DDX31: variants seen among roughly 807,000 people sequenced by gnomAD.
DDX31 encodes the protein ATP-dependent DNA helicase DDX31.
Under a neutral mutation model 91.3 loss-of-function variants are expected in DDX31, and 70 were observed. The ratio of observed to expected loss-of-function variants is 0.77; its 90% CI spans 0.63 to 0.94. DDX31 has a LOEUF of 0.94. Ranked by LOEUF, DDX31 falls within the 40% of genes least tolerant of loss-of-function variation. The pLI, the probability that DDX31 is intolerant of heterozygous loss-of-function variation, is 0.00. For missense variants in DDX31, 902 were observed against 925.0 expected, an observed-to-expected ratio of 0.98 and a Z score of 0.32; for synonymous variants, 362 against 350.6, an observed-to-expected ratio of 1.03 and a Z score of -0.36.
intron 12 of DDX31, 88 bp from the exon 13 acceptor site, chr9:132,646,159 C>T (rs1362156416): frequency 3.7e-6 from 5 of 1,345,556 alleles, no homozygotes; most frequent in Non-Finnish European, 5.0e-6. Context: ...TACAGTCATG[C>T]TGACCCCCAT....
intron 14 of DDX31, among the ~76,000 whole-genome samples, chr9:132,641,269 C>T (rs898210553): frequency 1.3e-5 from 2 of 152,180 alleles, no homozygotes; most frequent in African/African-American, 4.8e-5. Context: ...AGCACTTGTT[C>T]ACTGGATTGA....
intron 1 of DDX31, chr9:132,663,332 T>C: frequency 1.6e-6 from 2 of 1,288,428 alleles, no homozygotes; most frequent in Non-Finnish European, 2.0e-6. Context: ...CAAATGAGAA[T>C]GCTGCTCCAT....
intron 14 of DDX31, among the ~76,000 whole-genome samples, chr9:132,636,267 T>G (rs1262523861): frequency 6.6e-6 from 1 of 152,210 alleles, no homozygotes; most frequent in Non-Finnish European, 1.5e-5. Flanking sequence ...AGAACACAAT[T>G]TAGGATGTTC....
chr9:132,649,417 ACTAT>A (rs1834043169), intron 9 of DDX31, among the ~76,000 whole-genome samples: 1 of 152,200 alleles, frequency 6.6e-6, no homozygotes. Flanking sequence ...AGTGCCTGCA[ACTAT>A]CTAAGACTAT....
chr9:132,621,535 G>A (rs1027569277), intron 17 of DDX31, among the ~76,000 whole-genome samples: 2 of 152,174 alleles, frequency 1.3e-5, no homozygotes, highest in Non-Finnish European at 2.9e-5. Context: ...ATGTGCCAAA[G>A]GGACATTTAC....
intron 6 of DDX31, among the ~76,000 whole-genome samples, chr9:132,655,946 G>C (rs1364560874): frequency 6.6e-6 from 1 of 152,222 alleles, no homozygotes; most frequent in Non-Finnish European, 1.5e-5. Flanking sequence ...ACGCAGGCTA[G>C]GAATGGTAAA....
At chr9:132,667,092 G>C (rs1320062592) in intron 1 of DDX31, among the ~76,000 whole-genome samples, 1 of 151,110 alleles carries the variant, frequency 6.6e-6, no homozygotes, top group Non-Finnish European at 1.5e-5. Flanking sequence ...CAAGTGATCT[G>C]CCTGCCTCGG....
In DDX31 at chr9:132,662,430, T is replaced by C; in HGVS notation, c.332+9A>G. 6.2e-7 allele frequency: 1 copy of C among 1,614,128 alleles called. No homozygotes were observed. Among genetic ancestry groups the C allele is most frequent in the South Asian group, 1.1e-5 (1 of 91,078 alleles). On this transcript the variant is annotated intron_variant, in intron 2 of 19. Coordinates refer to ENST00000372159, the MANE Select transcript of DDX31 (RefSeq NM_022779.9). ...TTTCTTCCTGAAGGGCATCCGCCCC[T>C]GGACATACCTGTGGAGTTCTGGAAT...
intron 4 of DDX31, 138 bp downstream of exon 4, chr9:132,661,070 C>T (rs1479452094): frequency 2.5e-5 from 19 of 751,524 alleles, no homozygotes; most frequent in South Asian, 6.2e-5. Flanking sequence ...CTAAGTGAGA[C>T]GACAACCCTT....
chr9:132,649,511 G>A (rs1193259665), intron 9 of DDX31, among the ~76,000 whole-genome samples: 1 of 152,194 alleles, frequency 6.6e-6, no homozygotes, highest in African/African-American at 2.4e-5. Flanking sequence ...TGGAGCACCA[G>A]GCCAGCCTTG....
In DDX31 at chr9:132,604,938, C is replaced by A. The variant is rs934991001; in HGVS notation, c.1994+7149G>T. Among the ~76,000 whole-genome samples the A allele has an allele frequency of 2.0e-5, 3 of 152,154 alleles. No homozygotes were observed. The East Asian group carries it at 5.8e-4, about 29-fold the overall frequency. ...AGGCCTCCTTCACCAGGGAACAGAA[C>A]CAGCGGCTGGACCACGAGGGGCATG... On this transcript the variant is annotated intron_variant, in intron 19 of 19. Transcript: ENST00000372159.
chr9:132,619,715 G>A (rs1161406901), intron 17 of DDX31, among the ~76,000 whole-genome samples: 2 of 152,062 alleles, frequency 1.3e-5, no homozygotes, highest in African/African-American at 4.8e-5. Context: ...TAAAATGTCA[G>A]GAGAAGAGTC....
At chr9:132,653,494 C>CAAAAAAAAAAAAAAA (rs71376648) in intron 6 of DDX31, among the ~76,000 whole-genome samples, 3 of 20,660 alleles carry the variant, frequency 1.5e-4, no homozygotes, top group African/African-American at 2.7e-4. Flanking sequence ...AACTCAGTCT[C>CAAAAAAAAAAAAAAA]AAAAAAAAAA....
chr9:132,641,965 A>G (rs1289749853), intron 14 of DDX31, 39 bp downstream of exon 14: 12 of 1,590,882 alleles, frequency 7.5e-6, no homozygotes, highest in Non-Finnish European at 1.0e-5. Context: ...CATCACAGAA[A>G]TGTATCAGCC....
rs761539470 is a variant in DDX31 at position 132,648,567 on chromosome 9, T to C, written c.741-16A>G. ...TTTGCGGAGTCTGTTTAAAATTATA[T>C]ATCATAAAAGAAAGTAAATCAAACA... On this transcript the variant is annotated splice_polypyrimidine_tract_variant and intron_variant, in intron 9 of 19. Transcript: ENST00000372159. 53 of 1,597,436 alleles carry C rather than the reference T, an allele frequency of 3.3e-5. No individual in the cohort carries two copies. The highest frequency in any genetic ancestry group is 4.0e-5 in the Non-Finnish European group (47 of 1,174,334).
intron 16 of DDX31, among the ~76,000 whole-genome samples, chr9:132,627,903 C>A (rs746148776): frequency 6.6e-6 from 1 of 152,242 alleles, no homozygotes; most frequent in Non-Finnish European, 1.5e-5. Context: ...TTCTCAGGCA[C>A]GAAACATGCA....
At chr9:132,628,410 C>T (rs1409556220) in intron 16 of DDX31, among the ~76,000 whole-genome samples, 4 of 152,064 alleles carry the variant, frequency 2.6e-5, no homozygotes, top group East Asian at 1.9e-4. Context: ...CACGTAAATG[C>T]GGGCACACTA....
intron 3 of DDX31, among the ~76,000 whole-genome samples, chr9:132,661,910 T>C (rs1834978948): frequency 6.6e-6 from 1 of 152,146 alleles, no homozygotes; most frequent in South Asian, 2.1e-4. Context: ...ACAAATGGCT[T>C]CACCACTACA....
intron 19 of DDX31, among the ~76,000 whole-genome samples, chr9:132,597,706 T>G (rs967404007): frequency 6.6e-6 from 1 of 151,968 alleles, no homozygotes; most frequent in Non-Finnish European, 1.5e-5. Flanking sequence ...CAGGCTGCCA[T>G]CCACCCAACA....
Sources: allele counts gnomAD v4.1 joint callset (sites outside exome capture counted in the v4.1 genomes callset), GRCh38; gene constraint gnomAD v4.1.1; transcripts MANE v1.5; gene names NCBI Gene and HGNC (gene_info 2026-07-23, HGNC 2026-07-21).